CEP55: variants seen among roughly 807,000 people sequenced by gnomAD.
CEP55 encodes the protein centrosomal protein 55.
In CEP55, 57 loss-of-function variants were observed where a neutral mutation model predicts 63.2. The ratio of observed to expected loss-of-function variants is 0.90; its 90% confidence interval spans 0.73 to 1.13. The LOEUF (loss-of-function observed/expected upper bound fraction) is 1.13. CEP55 is among the 50% of genes most tolerant of loss of function. CEP55 has a pLI of 0.00. For synonymous variants in CEP55, 178 were observed against 191.6 expected (o/e 0.93, Z 0.59); for missense variants, 456 against 518.9 (o/e 0.88, Z 1.18).
In CEP55 at chr10:93,507,054, G is replaced by T. The variant is rs1177662441; in HGVS notation, c.526G>T (p.Asp176Tyr). The T allele has an allele frequency of 7.8e-6, 12 of 1,536,114 alleles. No individual in the cohort carries two copies. The East Asian group carries it at 2.7e-4, about 35-fold the overall frequency. Residue 176 changes from aspartate (D) to tyrosine (Y), a missense_variant and splice_region_variant, in exon 4 of 9, where the codon GAT (aspartate) becomes TAT (tyrosine). Asp to Tyr is a radical substitution (Grantham distance 160, BLOSUM62 -3). Coordinates refer to ENST00000371485, the MANE Select transcript of CEP55 (RefSeq NM_018131.5). The part of the protein sequence containing the change: ...NIHEMEIQLK[D>Y]ALEKNQQWLV... ...TCATGAAATGGAAATACAGCTGAAA[G>T]ATGTAAGTTCATTTCCTTTTAAGTT...
chr10:93,527,307 T>A (rs1317669631), intron 8 of CEP55, among the ~76,000 whole-genome samples: 1 of 152,222 alleles, frequency 6.6e-6, no homozygotes, highest in Non-Finnish European at 1.5e-5. Flanking sequence ...AGTACTTTAT[T>A]GCTGACGTTG....
At chr10:93,518,799 A>C in intron 6 of CEP55, 78 bp from the exon 7 acceptor site, 1 of 929,302 alleles carries the variant, frequency 1.1e-6, no homozygotes, top group Non-Finnish European at 1.7e-6. Context: ...GAGACTTGTG[A>C]TGTGAGCTTT....
At chr10:93,526,342 C>G (rs913240055) in intron 8 of CEP55, among the ~76,000 whole-genome samples, 27 of 152,310 alleles carry the variant, frequency 1.8e-4, no homozygotes, top group Admixed American at 1.2e-3. Flanking sequence ...AAATGCTCAT[C>G]ATCACTGGCC....
intron 2 of CEP55, among the ~76,000 whole-genome samples, chr10:93,500,625 T>C (rs2057623720): frequency 6.6e-6 from 1 of 152,230 alleles, no homozygotes; most frequent in African/African-American, 2.4e-5. Flanking sequence ...TATAGCTTCT[T>C]GGTAATTTAG....
chr10:93,511,586 G>C (rs940855928), intron 4 of CEP55, among the ~76,000 whole-genome samples: 1 of 151,844 alleles, frequency 6.6e-6, no homozygotes, highest in South Asian at 2.1e-4. Flanking sequence ...GTGATGTATG[G>C]TTCCTTTTTT....
intron 4 of CEP55, among the ~76,000 whole-genome samples, chr10:93,513,518 A>G (rs1158224764): frequency 6.6e-6 from 1 of 152,206 alleles, no homozygotes; most frequent in Non-Finnish European, 1.5e-5. Flanking sequence ...TGTCCTCTTC[A>G]TTGTGGAACT....
In CEP55 at chr10:93,527,960, A is replaced by G. The variant is rs1240966573; in HGVS notation, c.1202A>G (p.His401Arg). The change falls in exon 9 of 9, where the codon CAT (histidine) becomes CGT (arginine). Residue 401 changes from histidine (H) to arginine (R), a missense_variant. His to Arg is a conservative substitution (Grantham distance 29). Transcript: ENST00000371485. Reference protein sequence around the residue: ...ITQLESLKQLHEFAITEPLVT... With the variant: ...ITQLESLKQLREFAITEPLVT... ...AAACTTATTTTTCAGAAACAGCTTC[A>G]TGAGTTTGCCATCACAGAGCCATTA... 2 of 1,613,664 alleles carry G rather than the reference A, an allele frequency of 1.2e-6. No individual in the cohort carries two copies. Among genetic ancestry groups the G allele is most frequent in the Non-Finnish European group, 8.5e-7 (1 of 1,179,850 alleles).
chr10:93,517,072 C>A lies in CEP55; in HGVS notation c.817C>A (p.Gln273Lys). 6.2e-7 allele frequency: 1 copy of A among 1,613,800 alleles called. No individual in the cohort carries two copies. The highest frequency in any genetic ancestry group is 8.5e-7 in the Non-Finnish European group (1 of 1,179,900). ...ATTTCGAAGAAAATATGAAGAAACC[C>A]AAAAAGAAGTTCACAATTTAAATCA... ...SEFRRKYEET[Q>K]KEVHNLNQLL... The change falls in exon 6 of 9, where the codon CAA becomes AAA. Residue 273 changes from glutamine (Q) to lysine (K), a missense_variant. Coordinates refer to ENST00000371485, the MANE Select transcript of CEP55 (RefSeq NM_018131.5).
At chr10:93,526,960 C>A (rs12355020) in intron 8 of CEP55, among the ~76,000 whole-genome samples, 95,594 of 151,814 alleles carry the variant, frequency 0.63, 33,540 homozygotes, top group Non-Finnish European at 0.77. Context: ...GGAGGGATAG[C>A]ATTAGGAGAT....
chr10:93,512,819 A>G (rs1310475008), intron 4 of CEP55, among the ~76,000 whole-genome samples: 1 of 152,176 alleles, frequency 6.6e-6, no homozygotes, highest in Admixed American at 6.5e-5. Flanking sequence ...TGAATAAGAG[A>G]GTGACTACTG....
chr10:93,518,182 C>T (rs2057823287), intron 6 of CEP55, among the ~76,000 whole-genome samples: 1 of 150,752 alleles, frequency 6.6e-6, no homozygotes, highest in Admixed American at 6.6e-5. Flanking sequence ...CAGGGTCTTG[C>T]TCTGTCGCCC....
Position 93,528,117 on chromosome 10 carries a change from C to G in CEP55, c.1359C>G (p.Arg453=). 4 of 1,613,972 alleles carry G rather than the reference C, an allele frequency of 2.5e-6. No homozygotes were observed. The highest frequency in any genetic ancestry group is 3.4e-6 in the Non-Finnish European group (4 of 1,179,948). The change falls in exon 9 of 9, where the codon CGC becomes CGG. Residue 453 remains arginine, a synonymous_variant. Coordinates refer to ENST00000371485, the MANE Select transcript of CEP55 (RefSeq NM_018131.5). ...CNIQYPATEH[R]DLLVHVEYCS... is the part of the protein sequence containing the mutation. ...TACAGTATCCAGCCACTGAGCATCGCGATCTGCTTGTCCATGTGGAATACT... is the reference window on the plus strand; with the variant it reads ...TACAGTATCCAGCCACTGAGCATCGGGATCTGCTTGTCCATGTGGAATACT...
Position 93,503,386 on chromosome 10 carries a change from C to T in CEP55, c.457C>T (p.Gln153Ter). 1.2e-6 allele frequency: 2 copies of T among 1,610,810 alleles called. No individual in the cohort carries two copies. Among genetic ancestry groups the T allele is most frequent in the Middle Eastern group, 1.7e-4 (1 of 6,042 alleles). Residue 153 changes from glutamine to a stop codon, truncating the protein, a stop_gained and splice_region_variant, in exon 3 of 9, where the codon CAG (glutamine) becomes TAG (stop). Coordinates refer to ENST00000371485, the MANE Select transcript of CEP55 (RefSeq NM_018131.5). LOFTEE classifies it high-confidence loss of function. ...ESKTNTLRLS[Q>*]TVAPNCFNSS... ...CAAAACCAATACACTCCGTTTATCA[C>T]AGGTGCTAATCATTTCTTTAAACCC...
Position 93,527,946 on chromosome 10 carries a change from T to C in CEP55, c.1192-4T>C. ...AATTCTATTATTTGAAACTTATTTTTCAGAAACAGCTTCATGAGTTTGCCA... is the reference window on the plus strand; with the variant it reads ...AATTCTATTATTTGAAACTTATTTTCCAGAAACAGCTTCATGAGTTTGCCA... On this transcript the variant is annotated splice_region_variant and splice_polypyrimidine_tract_variant and intron_variant, in intron 8 of 8. Coordinates refer to ENST00000371485, the MANE Select transcript of CEP55 (RefSeq NM_018131.5). 1 of 1,610,296 alleles carries C rather than the reference T, an allele frequency of 6.2e-7. No homozygotes were observed. Among genetic ancestry groups the C allele is most frequent in the Non-Finnish European group, 8.5e-7 (1 of 1,178,660 alleles).
chr10:93,507,688 G>T (rs558412199), intron 4 of CEP55, among the ~76,000 whole-genome samples: 1 of 152,086 alleles, frequency 6.6e-6, no homozygotes, highest in South Asian at 2.1e-4. Context: ...TTGCTCTGTT[G>T]CCCAAGCTGG....
chr10:93,515,956 A>G (rs60281757), intron 5 of CEP55, among the ~76,000 whole-genome samples: 2,238 of 152,256 alleles, frequency 0.015, 59 homozygotes, highest in African/African-American at 0.051. Context: ...TGATCCTTAA[A>G]TCATTTGAAC....
At chr10:93,510,937 CTTTTTT>C (rs572255812) in intron 4 of CEP55, among the ~76,000 whole-genome samples, 1 of 118,104 alleles carries the variant, frequency 8.5e-6, no homozygotes, top group Non-Finnish European at 1.7e-5. Flanking sequence ...TTCCACAGGA[CTTTTTT>C]TTTTTTTTTT....
intron 4 of CEP55, among the ~76,000 whole-genome samples, chr10:93,508,391 G>C (rs1367386633): frequency 1.3e-5 from 2 of 152,116 alleles, no homozygotes; most frequent in Non-Finnish European, 2.9e-5. Context: ...AGTATCCTTT[G>C]AAGTCTTTTT....
intron 1 of CEP55, among the ~76,000 whole-genome samples, chr10:93,498,013 T>G (rs1305781871): frequency 6.6e-6 from 1 of 151,942 alleles, no homozygotes; most frequent in African/African-American, 2.4e-5. Flanking sequence ...TCCCAGCTAC[T>G]CAGGAGGCTG....
Sources: gnomAD v4.1 joint callset for allele counts (sites outside exome capture counted in the v4.1 genomes callset) on GRCh38, gnomAD v4.1.1 for gene constraint, MANE v1.5 for transcripts, NCBI Gene and HGNC (gene_info 2026-07-23, HGNC 2026-07-21) for gene names.